Variants in GPM6A observed in about 807,000 individuals in gnomAD.
The protein encoded by GPM6A is glycoprotein M6A.
A neutral mutation model predicts 32.1 loss-of-function variants in GPM6A; 7 were observed. That is an observed-to-expected ratio of 0.22 (90% confidence interval 0.12 to 0.41). The LOEUF (loss-of-function observed/expected upper bound fraction) is 0.41. GPM6A is among the 10% of genes least tolerant of loss of function. The pLI is 1.00. For synonymous variants in GPM6A, 130 were observed against 123.4 expected, an observed-to-expected ratio of 1.05 and a Z score of -0.35; for missense variants, 235 against 347.2, an observed-to-expected ratio of 0.68 and a Z score of 2.57.
chr4:175,839,656 A>G (rs1469551808), intron 1 of GPM6A, among the ~76,000 whole-genome samples: 1 of 152,192 alleles, frequency 6.6e-6, no homozygotes, highest in Non-Finnish European at 1.5e-5. Flanking sequence ...ACATTTTACC[A>G]ACATAGTAGG....
chr4:175,716,475 G>T (rs1745848720), intron 1 of GPM6A, among the ~76,000 whole-genome samples: 3 of 120,224 alleles, frequency 2.5e-5, no homozygotes, highest in African/African-American at 1.1e-4. Flanking sequence ...TCTTAAATTT[G>T]TAGAAGAAGA....
At chr4:175,661,267 C>CTA (rs539828363) in intron 3 of GPM6A, among the ~76,000 whole-genome samples, 22 of 152,054 alleles carry the variant, frequency 1.4e-4, no homozygotes, top group South Asian at 8.3e-4. Flanking sequence ...AACCCCGTCT[C>CTA]TACTAAAAAC....
chr4:176,002,165 G>A (rs2126479401), intron 1 of GPM6A: 3 of 908,884 alleles, frequency 3.3e-6, no homozygotes, highest in Admixed American at 4.0e-5. Context: ...ACAAGAGGGC[G>A]GGGGGCGGGG....
At chr4:175,936,254 C>T (rs970533638) in intron 1 of GPM6A, among the ~76,000 whole-genome samples, 6 of 126,962 alleles carry the variant, frequency 4.7e-5, no homozygotes, top group African/African-American at 1.9e-4. Context: ...TGCAGTGAGC[C>T]AAGATCGCGC....
intron 1 of GPM6A, among the ~76,000 whole-genome samples, chr4:175,864,796 A>AT (rs1012829786): frequency 1.3e-5 from 2 of 151,430 alleles, no homozygotes; most frequent in African/African-American, 4.8e-5. Context: ...TATAATTTTC[A>AT]TTTTTTTATT....
At chr4:175,659,971 G>A (rs1390062193) in intron 3 of GPM6A, among the ~76,000 whole-genome samples, 1 of 152,064 alleles carries the variant, frequency 6.6e-6, no homozygotes, top group African/African-American at 2.4e-5. Flanking sequence ...AAAGGCAACT[G>A]TTCACAATAA....
intron 1 of GPM6A, among the ~76,000 whole-genome samples, chr4:175,771,775 A>AATG (rs1733202871): frequency 6.6e-6 from 1 of 152,242 alleles, no homozygotes; most frequent in South Asian, 2.1e-4. Flanking sequence ...GGAGCGAGCA[A>AATG]ATGATGTGCA....
chr4:175,928,135 T>C (rs1289509231), intron 1 of GPM6A, among the ~76,000 whole-genome samples: 1 of 152,204 alleles, frequency 6.6e-6, no homozygotes, highest in Non-Finnish European at 1.5e-5. Flanking sequence ...CACTTATACT[T>C]TCCTTTATAA....
intron 1 of GPM6A, among the ~76,000 whole-genome samples, chr4:175,955,167 C>T (rs544843654): frequency 6.6e-6 from 1 of 152,344 alleles, no homozygotes; most frequent in East Asian, 1.9e-4. Context: ...CTGGACTTTT[C>T]AAGCCAGTGC....
chr4:175,938,902 A>G (rs934239486), intron 1 of GPM6A, among the ~76,000 whole-genome samples: 1 of 152,198 alleles, frequency 6.6e-6, no homozygotes, highest in African/African-American at 2.4e-5. Context: ...ACTAAAGTCA[A>G]CTGTGATTTT....
At chr4:175,684,850 T>TTGTGTG (rs59885113) in intron 2 of GPM6A, among the ~76,000 whole-genome samples, 6 of 151,534 alleles carry the variant, frequency 4.0e-5, no homozygotes, top group African/African-American at 9.7e-5. Context: ...TCTTAACTAT[T>TTGTGTG]TGTGTGTGTG....
intron 1 of GPM6A, among the ~76,000 whole-genome samples, chr4:175,987,554 T>TG (rs1741017032): frequency 5.5e-5 from 6 of 109,490 alleles, no homozygotes; most frequent in Non-Finnish European, 8.4e-5. Flanking sequence ...GTGTGTGTGT[T>TG]TGTCTTTATA....
At chr4:175,850,761 G>A (rs1736228457) in intron 1 of GPM6A, among the ~76,000 whole-genome samples, 1 of 151,170 alleles carries the variant, frequency 6.6e-6, no homozygotes, top group South Asian at 2.1e-4. Context: ...GGCACCTACA[G>A]AATGGGGATA....
intron 1 of GPM6A, among the ~76,000 whole-genome samples, chr4:175,853,620 C>T (rs975896820): frequency 1.0e-4 from 15 of 150,138 alleles, no homozygotes; most frequent in African/African-American, 3.4e-4. Flanking sequence ...CCAGTGGAGT[C>T]GTTCTATGCT....
chr4:175,797,614 A>C (rs1410895711), intron 1 of GPM6A, among the ~76,000 whole-genome samples: 2 of 152,136 alleles, frequency 1.3e-5, no homozygotes, highest in African/African-American at 2.4e-5. Context: ...CAGATTAAAG[A>C]CTATATATCA....
chr4:175,700,051 C>T (rs1269862902), intron 2 of GPM6A, among the ~76,000 whole-genome samples: 8 of 151,818 alleles, frequency 5.3e-5, no homozygotes, highest in South Asian at 2.1e-4. Flanking sequence ...TTAGTAGAGA[C>T]GGGATTTCAC....
At chr4:175,804,666 A>C (rs1734611944) in intron 1 of GPM6A, among the ~76,000 whole-genome samples, 1 of 152,250 alleles carries the variant, frequency 6.6e-6, no homozygotes, top group South Asian at 2.1e-4. Context: ...CTTGACAAAT[A>C]AATCATGCTA....
At chr4:175,854,051 G>T (rs1736344108) in intron 1 of GPM6A, among the ~76,000 whole-genome samples, 1 of 152,134 alleles carries the variant, frequency 6.6e-6, no homozygotes, top group African/African-American at 2.4e-5. Flanking sequence ...GCACATTTCT[G>T]ACTTGGGCAG....
At chr4:175,889,515 C>T (rs1156770349) in intron 1 of GPM6A, among the ~76,000 whole-genome samples, 1 of 117,448 alleles carries the variant, frequency 8.5e-6, no homozygotes, top group Non-Finnish European at 1.8e-5. Flanking sequence ...AAAACCCTGT[C>T]TCCAAAAAAA....
Sources: allele counts gnomAD v4.1 joint callset (sites outside exome capture counted in the v4.1 genomes callset), GRCh38; gene constraint gnomAD v4.1.1; transcripts MANE v1.5; gene names NCBI Gene and HGNC (gene_info 2026-07-23, HGNC 2026-07-21).